The following NRK variants were observed in gnomAD, a reference collection of about 807,000 sequenced individuals.
NRK encodes the protein Nik related kinase, also known as nik-related protein kinase.
In NRK, 67 loss-of-function variants were observed where a neutral mutation model predicts 125.2. The observed-to-expected ratio is 0.54, with a 90% CI of 0.44 to 0.66. The LOEUF (loss-of-function observed/expected upper bound fraction) is 0.66, where lower values mean the gene tolerates loss of function less well. Ranked by LOEUF, NRK falls within the 30% of genes least tolerant of loss-of-function variation. The pLI is 0.00. For synonymous variants in NRK, 458 were observed against 429.0 expected, an observed-to-expected ratio of 1.07 and a Z score of -0.84; for missense variants, 1,224 against 1,192.9, an observed-to-expected ratio of 1.03 and a Z score of -0.38.
At chrX:105,822,960 C>T (rs926483371) in intron 1 of NRK, 58 bp downstream of exon 1, 145 of 1,015,944 alleles carry the variant, frequency 1.4e-4, no homozygotes, top group Non-Finnish European at 5.8e-5. Flanking sequence ...GTTCTGCGTA[C>T]CAGAGGGAGG....
At chrX:105,892,136 C>T (rs2040023803) in intron 5 of NRK, among the ~76,000 whole-genome samples, 1 of 111,650 alleles carries the variant, frequency 9.0e-6, no homozygotes, top group East Asian at 2.8e-4. Context: ...AGACATGCTC[C>T]TGACCCAGTG....
chrX:105,888,724 G>A (rs146164954), intron 5 of NRK, among the ~76,000 whole-genome samples: 5,734 of 111,107 alleles, frequency 0.052, 387 homozygotes, highest in African/African-American at 0.18. Context: ...GCAAAGTCAC[G>A]TCTTGCATGG....
At chrX:105,833,108 G>C (rs1306428486) in intron 2 of NRK, among the ~76,000 whole-genome samples, 1 of 111,629 alleles carries the variant, frequency 9.0e-6, no homozygotes, top group African/African-American at 3.3e-5. Context: ...ATAGCATGTG[G>C]ACAGGTCTTA....
At chrX:105,925,607 G>T (rs144155434) in intron 19 of NRK, among the ~76,000 whole-genome samples, 14 of 110,387 alleles carry the variant, frequency 1.3e-4, no homozygotes, top group African/African-American at 4.6e-4. Flanking sequence ...TCACTCTCCC[G>T]TACTCCTCTT....
At position 105,912,624 on chromosome X, in the gene NRK, ATTACT is replaced by A. The variant is rs1164791332; in HGVS notation, c.2242-21_2242-17del. On this transcript the variant is annotated intron_variant, in intron 13 of 28. Transcript: ENST00000243300. ...TTGCATTTTAACAACAATTAAAACA[ATTACT>A]TTCCTTTTTGTTTCAAAGGACAAAG... 1.2e-6 allele frequency: 1 copy of A among 839,815 alleles called. No homozygotes were observed. The highest frequency in any genetic ancestry group is 2.1e-5 in the African/African-American group (1 of 47,190). The allele number at this position is 839,815 out of a possible 1,213,427, so 69.2% of individuals were successfully genotyped here.
chrX:105,944,126 T>C (rs2040782427), intron 24 of NRK, 85 bp downstream of exon 24: 1 of 500,702 alleles, frequency 2.0e-6, no homozygotes. Context: ...GGAATACAGA[T>C]GCAGAAGTAT....
intron 5 of NRK, among the ~76,000 whole-genome samples, chrX:105,893,434 T>C (rs1389938254): frequency 8.9e-6 from 1 of 112,230 alleles, no homozygotes; most frequent in Non-Finnish European, 1.9e-5. Flanking sequence ...TCCTTGACCA[T>C]CCTTTCCTTC....
Position 105,891,025 on chromosome X carries a change from C to T in NRK, c.378+2606C>T, listed in dbSNP as rs1254084900. Reference sequence around the variant, plus strand: ...ACTATGGTTGCTATTACAGAAATTACCCAATGAACTAATAAATAATGACTG... The same window carrying T: ...ACTATGGTTGCTATTACAGAAATTATCCAATGAACTAATAAATAATGACTG... On this transcript the variant is annotated intron_variant, in intron 5 of 28. Coordinates refer to ENST00000243300, the MANE Select transcript of NRK (RefSeq NM_198465.4). Among the ~76,000 whole-genome samples the T allele has an allele frequency of 2.7e-5, 3 of 111,727 alleles. No individual in the cohort carries two copies. In the East Asian group the frequency reaches 8.4e-4, roughly 31 times the overall value.
chrX:105,894,538 T>G (rs1193987691), intron 6 of NRK, among the ~76,000 whole-genome samples: 1 of 112,042 alleles, frequency 8.9e-6, no homozygotes. Context: ...TGTTAGAATG[T>G]CCTTCCTGTC....
At chrX:105,907,095 A>C (rs1222541611) in intron 11 of NRK, 4 of 110,868 alleles carry the variant, frequency 3.6e-5, no homozygotes, top group Non-Finnish European at 7.5e-5. Context: ...CAAATATAAA[A>C]TATAATTAAA....
chrX:105,884,793 A>G (rs1402746808), intron 4 of NRK, among the ~76,000 whole-genome samples: 1 of 111,824 alleles, frequency 8.9e-6, no homozygotes, highest in East Asian at 2.8e-4. Flanking sequence ...CTTTAATTCA[A>G]AAGTTTTTTG....
At chrX:105,935,112 C>T in intron 20 of NRK, 58 bp from the exon 21 acceptor site, 14 of 949,762 alleles carry the variant, frequency 1.5e-5, no homozygotes, top group Non-Finnish European at 2.1e-5. Context: ...AATTCTGTAA[C>T]TCCATCATGC....
chrX:105,891,913 T>A (rs892709615), intron 5 of NRK, among the ~76,000 whole-genome samples: 1 of 112,118 alleles, frequency 8.9e-6, no homozygotes, highest in African/African-American at 3.2e-5. Context: ...TGAGGAATTT[T>A]TTTTGGCATA....
intron 1 of NRK, among the ~76,000 whole-genome samples, chrX:105,824,617 CAA>C (rs59276814): frequency 0.26 from 19,491 of 75,258 alleles, 1,590 homozygotes; most frequent in Middle Eastern, 0.42. Flanking sequence ...TTTACTGCCA[CAA>C]AAAAAAAAAA....
At chrX:105,919,689 A>T (rs1018219715) in intron 16 of NRK, among the ~76,000 whole-genome samples, 3 of 111,316 alleles carry the variant, frequency 2.7e-5, no homozygotes, top group Non-Finnish European at 5.7e-5. Context: ...TTCACTCCTC[A>T]ACTGTATTGA....
chrX:105,919,848 A>G (rs753731863), intron 16 of NRK, among the ~76,000 whole-genome samples: 44 of 110,889 alleles, frequency 4.0e-4, no homozygotes, highest in African/African-American at 1.3e-3. Flanking sequence ...TAGGTTGCCT[A>G]TTCGCTCTGA....
At chrX:105,928,634 T>G (rs1360770283) in intron 19 of NRK, among the ~76,000 whole-genome samples, 8 of 111,567 alleles carry the variant, frequency 7.2e-5, no homozygotes, top group Non-Finnish European at 1.1e-4. Context: ...TGCTATAAAC[T>G]TGTCTCTTAC....
intron 23 of NRK, among the ~76,000 whole-genome samples, chrX:105,943,391 A>G (rs1205729225): frequency 9.0e-6 from 1 of 111,683 alleles, no homozygotes; most frequent in Non-Finnish European, 1.9e-5. Context: ...GTCTCTCCTT[A>G]TGTTATTTAG....
chrX:105,881,265 A>G (rs2039881149), intron 3 of NRK, among the ~76,000 whole-genome samples: 2 of 111,817 alleles, frequency 1.8e-5, no homozygotes, highest in Admixed American at 9.5e-5. Context: ...CCTACAATCC[A>G]TGGCTTCCAA....
Sources: gnomAD v4.1 joint callset for allele counts (sites outside exome capture counted in the v4.1 genomes callset) on GRCh38, gnomAD v4.1.1 for gene constraint, MANE v1.5 for transcripts, NCBI Gene and HGNC (gene_info 2026-07-23, HGNC 2026-07-21) for gene names.